Variants in NXPE3 observed in about 807,000 individuals in gnomAD.
NXPE3 encodes neurexophilin and PC-esterase domain family member 3, also known as NXPE family member 3.
In NXPE3, 26 loss-of-function variants were observed where a neutral mutation model predicts 46.1. The observed-to-expected ratio is 0.56, with a 90% CI of 0.41 to 0.78. The LOEUF (loss-of-function observed/expected upper bound fraction) is 0.78. Among genes scored for constraint, NXPE3 ranks in the 30% least tolerant of loss-of-function variants. The pLI, the probability that NXPE3 is intolerant of heterozygous loss-of-function variation, is 0.00. For synonymous variants in NXPE3, 272 were observed against 257.9 expected, an observed-to-expected ratio of 1.05 and a Z score of -0.52; for missense variants, 620 against 686.0, an observed-to-expected ratio of 0.90 and a Z score of 1.07.
rs1941177671 is a variant in NXPE3 at position 101,801,884 on chromosome 3, T to A, written c.743T>A (p.Phe248Tyr). Residue 248 changes from phenylalanine (F) to tyrosine (Y), a missense_variant, in exon 5 of 8, where the codon TTC becomes TAC. Coordinates refer to ENST00000273347, the MANE Select transcript of NXPE3 (RefSeq NM_145037.4). ...FTDLYTGEPW[F>Y]CFKPKKLPCS... ...GACCTCTACACTGGGGAGCCCTGGTTCTGCTTCAAACCAAAGAAGCTCCCT... is the reference window on the plus strand; with the variant it reads ...GACCTCTACACTGGGGAGCCCTGGTACTGCTTCAAACCAAAGAAGCTCCCT... The A allele has an allele frequency of 6.2e-7, 1 of 1,614,050 alleles. No individual in the cohort carries two copies. The highest frequency in any genetic ancestry group is 1.7e-5 in the Admixed American group (1 of 60,000).
chr3:101,785,390 T>A lies in NXPE3; in HGVS notation c.-195-12T>A. The A allele has an allele frequency of 7.4e-6, 4 of 539,238 alleles. No individual in the cohort carries two copies. Among genetic ancestry groups the A allele is most frequent in the Non-Finnish European group, 1.4e-5 (4 of 295,694 alleles). 33.4% of individuals were successfully genotyped at this position (539,238 alleles called of 1,614,324 possible). The stretch of plus-strand genomic sequence containing the variant: ...GCAATTGGTGATGTTCTCTCATCTC[T>A]CCTCTTTGAAGGATTTCTTTGAAGA... On this transcript the variant is annotated splice_polypyrimidine_tract_variant and intron_variant, in intron 3 of 7. Transcript: ENST00000273347.
chr3:101,803,506 C>T (rs945536753), intron 5 of NXPE3, among the ~76,000 whole-genome samples: 4 of 152,178 alleles, frequency 2.6e-5, no homozygotes, highest in Non-Finnish European at 5.9e-5. Flanking sequence ...TCATTTTATT[C>T]GTGGGTTCAG....
chr3:101,806,553 C>G (rs1160046167), intron 5 of NXPE3, among the ~76,000 whole-genome samples: 1 of 152,138 alleles, frequency 6.6e-6, no homozygotes, highest in Non-Finnish European at 1.5e-5. Flanking sequence ...GTAAGGGGAA[C>G]AGACACTAAA....
chr3:101,812,018 GC>G (rs1941735446), intron 6 of NXPE3, among the ~76,000 whole-genome samples: 1 of 152,078 alleles, frequency 6.6e-6, no homozygotes, highest in African/African-American at 2.4e-5. Context: ...ACAGGTGTGA[GC>G]CACCACTGTA....
At chr3:101,780,876 A>G (rs912273382) in intron 1 of NXPE3, among the ~76,000 whole-genome samples, 14 of 152,338 alleles carry the variant, frequency 9.2e-5, no homozygotes, top group Admixed American at 3.3e-4. Context: ...GCTGCGGGAC[A>G]CGAAGGAGAA....
chr3:101,816,321 G>A (rs938605911), intron 6 of NXPE3, among the ~76,000 whole-genome samples: 1 of 150,792 alleles, frequency 6.6e-6, no homozygotes, highest in Non-Finnish European at 1.5e-5. Flanking sequence ...TGTGCAGAAT[G>A]TGCAGGTTTA....
Position 101,801,444 on chromosome 3 carries a change from T to G in NXPE3, c.303T>G (p.Thr101=), listed in dbSNP as rs1284871786. The G allele has an allele frequency of 6.2e-7, 1 of 1,614,230 alleles. No individual in the cohort carries two copies. Among genetic ancestry groups the G allele is most frequent in the East Asian group, 2.2e-5 (1 of 44,884 alleles). The change falls in exon 5 of 8, where the codon ACT becomes ACG. Residue 101 remains threonine, a synonymous_variant. Coordinates refer to ENST00000273347, the MANE Select transcript of NXPE3 (RefSeq NM_145037.4). ...GCCCAGTCCCCTTTGTGAAGAGCAC[T>G]GACCCTTCTTCCAGCTACTTTGTCA... ...DVGPVPFVKS[T]DPSSSYFVIL... is the part of the protein sequence containing the mutation.
chr3:101,785,785 CGTA>C (rs1940140182), intron 4 of NXPE3, 96 bp downstream of exon 4: 1 of 887,982 alleles, frequency 1.1e-6, no homozygotes, highest in South Asian at 1.3e-5. Context: ...GGAAGATTAT[CGTA>C]GTCACAGTTC....
At chr3:101,820,770 G>C (rs759783503) in intron 7 of NXPE3, among the ~76,000 whole-genome samples, 4 of 152,144 alleles carry the variant, frequency 2.6e-5, no homozygotes, top group Non-Finnish European at 5.9e-5. Flanking sequence ...ACTAACACAG[G>C]AACAGAAAAC....
In NXPE3 at chr3:101,821,838, G is replaced by A. The variant is rs368303675; in HGVS notation, c.1564G>A (p.Asp522Asn). 17 of 1,613,998 alleles carry A rather than the reference G, an allele frequency of 1.1e-5. No homozygotes were observed. The highest frequency in any genetic ancestry group is 8.9e-5 in the East Asian group (4 of 44,890). The change falls in exon 8 of 8, where the codon GAT becomes AAT. Residue 522 changes from aspartate (D) to asparagine (N), a missense_variant. Coordinates refer to ENST00000273347, the MANE Select transcript of NXPE3 (RefSeq NM_145037.4). ...MFSGVGVYLV[D>N]AWEMTLAHYL... ...CTCAGGGGTTGGAGTATATCTCGTC[G>A]ATGCCTGGGAGATGACCCTGGCCCA... is the stretch of plus-strand genomic sequence containing the variant.
In NXPE3 at chr3:101,779,236, C is replaced by A. The variant is rs1026393367; in HGVS notation, c.-586C>A. 16 of 152,340 alleles carry A rather than the reference C, an allele frequency of 1.1e-4. No individual in the cohort carries two copies. Among genetic ancestry groups the A allele is most frequent in the African/African-American group, 3.1e-4 (13 of 41,568 alleles). 9.4% of individuals were successfully genotyped at this position (152,340 alleles called of 1,614,324 possible). ...GAGGAGACGTCGCCGGGTGAGGAAG[C>A]GGGGGGCTAGCGGCCTGGCGCTGCG... On this transcript the variant is annotated 5_prime_UTR_variant, in exon 1 of 8. Transcript: ENST00000273347.
chr3:101,793,202 G>A (rs1272234108), intron 4 of NXPE3, among the ~76,000 whole-genome samples: 17 of 152,124 alleles, frequency 1.1e-4, no homozygotes, highest in Admixed American at 6.5e-4. Flanking sequence ...GAATCATGTC[G>A]TCTGCAAACA....
intron 5 of NXPE3, among the ~76,000 whole-genome samples, chr3:101,806,208 A>T (rs908123138): frequency 6.6e-6 from 1 of 152,220 alleles, no homozygotes; most frequent in Non-Finnish European, 1.5e-5. Context: ...GAAATTGATG[A>T]AATAATAAAA....
chr3:101,797,559 T>A (rs1179114595), intron 4 of NXPE3, among the ~76,000 whole-genome samples: 1 of 117,450 alleles, frequency 8.5e-6, no homozygotes, highest in East Asian at 2.5e-4. Context: ...TATCTCCCAA[T>A]GCTATCCCTC....
In NXPE3 at chr3:101,825,680, G is replaced by T. The variant is rs1348773342; in HGVS notation, c.*3726G>T. 6.6e-6 allele frequency: 1 copy of T among 152,078 alleles called. No individual in the cohort carries two copies. Among genetic ancestry groups the T allele is most frequent in the East Asian group, 1.9e-4 (1 of 5,200 alleles). The allele number at this position is 152,078 out of a possible 1,614,324, so 9.4% of individuals were successfully genotyped here. ...ATAGTCTTCATAAGTTAATTATAAA[G>T]ATCTGCTTAATAGTTCTGCTACTGC... is the stretch of plus-strand genomic sequence containing the variant. On this transcript the variant is annotated 3_prime_UTR_variant, in exon 8 of 8. Coordinates refer to ENST00000273347, the MANE Select transcript of NXPE3 (RefSeq NM_145037.4).
chr3:101,805,729 C>T (rs1026917295), intron 5 of NXPE3, among the ~76,000 whole-genome samples: 8 of 152,130 alleles, frequency 5.3e-5, no homozygotes, highest in Non-Finnish European at 7.4e-5. Flanking sequence ...GCGTAAGCCA[C>T]CACGCCCAGT....
At chr3:101,791,980 A>G (rs563593048) in intron 4 of NXPE3, among the ~76,000 whole-genome samples, 11 of 152,148 alleles carry the variant, frequency 7.2e-5, no homozygotes, top group South Asian at 2.1e-4. Flanking sequence ...AATAATAGCT[A>G]TTCTGACTGG....
Position 101,801,323 on chromosome 3 carries a change from C to A in NXPE3, c.182C>A (p.Pro61His). 6.2e-7 allele frequency: 1 copy of A among 1,614,144 alleles called. No homozygotes were observed. Among genetic ancestry groups the A allele is most frequent in the Non-Finnish European group, 8.5e-7 (1 of 1,180,036 alleles). Reference sequence around the variant, plus strand: ...CAGGTGACAGGAATTAGCCGAAATCCCTACTGTGGCTATGATCAGCAGACC... The same window carrying A: ...CAGGTGACAGGAATTAGCCGAAATCACTACTGTGGCTATGATCAGCAGACC... ...SSQVTGISRN[P>H]YCGYDQQTLS... is the part of the protein sequence containing the mutation. Residue 61 changes from proline (P) to histidine (H), a missense_variant, in exon 5 of 8, where the codon CCC becomes CAC. Transcript: ENST00000273347.
At chr3:101,806,670 C>T (rs1397947872) in intron 5 of NXPE3, among the ~76,000 whole-genome samples, 1 of 152,086 alleles carries the variant, frequency 6.6e-6, no homozygotes, top group Admixed American at 6.6e-5. Context: ...GAATCTGATA[C>T]ATGACTTAAT....
Sources: gnomAD v4.1 joint callset for allele counts (sites outside exome capture counted in the v4.1 genomes callset) on GRCh38, gnomAD v4.1.1 for gene constraint, MANE v1.5 for transcripts, NCBI Gene and HGNC (gene_info 2026-07-23, HGNC 2026-07-21) for gene names.